Variants in AKAP10 observed in about 807,000 individuals in gnomAD.
AKAP10 encodes the protein A-kinase anchoring protein 10.
Under a neutral mutation model 80.8 loss-of-function variants are expected in AKAP10, and 24 were observed. The ratio of observed to expected loss-of-function variants is 0.30; its 90% CI spans 0.22 to 0.42. The LOEUF (loss-of-function observed/expected upper bound fraction) is 0.42, where lower values mean the gene tolerates loss of function less well. AKAP10 is among the 10% of genes least tolerant of loss of function. The pLI, the probability that AKAP10 is intolerant of heterozygous loss-of-function variation, is 1.00. For missense variants in AKAP10, 661 were observed against 794.9 expected, an observed-to-expected ratio of 0.83 and a Z score of 2.03; for synonymous variants, 291 against 277.7, an observed-to-expected ratio of 1.05 and a Z score of -0.48.
chr17:19,909,130 A>G, intron 14 of AKAP10, 51 bp downstream of exon 14: 1 of 1,489,818 alleles, frequency 6.7e-7, no homozygotes, highest in Middle Eastern at 1.8e-4. Context: ...TTTTATTTTT[A>G]CACCTGGAAA....
chr17:19,915,284 A>G (rs1399572763), intron 12 of AKAP10, among the ~76,000 whole-genome samples: 1 of 152,246 alleles, frequency 6.6e-6, no homozygotes, highest in Non-Finnish European at 1.5e-5. Flanking sequence ...AGAAATGTCA[A>G]GGAAAGAGAA....
At chr17:19,951,239 A>T in intron 4 of AKAP10, among the ~76,000 whole-genome samples, 1 of 121,226 alleles carries the variant, frequency 8.2e-6, no homozygotes, top group Non-Finnish European at 1.9e-5. Context: ...GTGGGGGGTC[A>T]GCCCCCGCCC....
chr17:19,913,490 T>C (rs1207538527), intron 12 of AKAP10, among the ~76,000 whole-genome samples: 2 of 152,150 alleles, frequency 1.3e-5, no homozygotes, highest in Non-Finnish European at 2.9e-5. Context: ...GGCTTTACCA[T>C]GTTGGCCAGG....
rs531846840 is a variant in AKAP10, at chr17:19,920,509, C to T, written c.1752-391G>A. Among the ~76,000 whole-genome samples, 3 of 152,268 alleles carry T rather than the reference C, an allele frequency of 2.0e-5. No individual in the cohort carries two copies. The East Asian group carries it at 5.8e-4, about 29-fold the overall frequency. On this transcript the variant is annotated intron_variant, in intron 11 of 14. Transcript: ENST00000225737. ...GCCATAGTTGTGTGTATACATACATCTGTTTATACTAAAACTATAGTACTA... is the reference window on the plus strand; with the variant it reads ...GCCATAGTTGTGTGTATACATACATTTGTTTATACTAAAACTATAGTACTA...
chr17:19,920,180 C>A, intron 11 of AKAP10, 62 bp from the exon 12 acceptor site: 1 of 1,288,794 alleles, frequency 7.8e-7, no homozygotes, highest in Non-Finnish European at 1.1e-6. Flanking sequence ...TAGGAGAAAA[C>A]AATCAATTTA....
chr17:19,940,543 A>G (rs2043041091), intron 7 of AKAP10, among the ~76,000 whole-genome samples: 1 of 152,186 alleles, frequency 6.6e-6, no homozygotes, highest in Non-Finnish European at 1.5e-5. Flanking sequence ...AAAATTTACT[A>G]CTTTTTTTCT....
rs77450322 is a variant in AKAP10, at chr17:19,917,685, A to G, written c.1834+2351T>C. On this transcript the variant is annotated intron_variant, in intron 12 of 14. Transcript: ENST00000225737. ...AATACAAGCTCACGCCTGTAAGCCC[A>G]GTACTTTGGGAGGCCAAGGTGGGCG... Among the ~76,000 whole-genome samples, 394 of 152,322 alleles carry G rather than the reference A, an allele frequency of 2.6e-3. 12 individuals are homozygous for G. The East Asian group carries it at 0.072, about 28-fold the overall frequency.
At chr17:19,971,526 T>C (rs1329708524) in intron 1 of AKAP10, among the ~76,000 whole-genome samples, 2 of 151,508 alleles carry the variant, frequency 1.3e-5, no homozygotes, top group African/African-American at 2.4e-5. Flanking sequence ...AAAAAAAAAT[T>C]AATTACACAA....
chr17:19,944,657 C>G (rs568422418), intron 5 of AKAP10, among the ~76,000 whole-genome samples: 1 of 151,134 alleles, frequency 6.6e-6, no homozygotes, highest in African/African-American at 2.5e-5. Context: ...GTCTCAAAAA[C>G]AAACAAACAA....
In AKAP10 at chr17:19,904,445, T is replaced by G. The variant is rs1376808064; in HGVS notation, c.*1782A>C. 1.3e-5 allele frequency: 2 copies of G among 152,230 alleles called. No homozygotes were observed. The highest frequency in any genetic ancestry group is 4.8e-5 in the African/African-American group (2 of 41,480). 9.4% of individuals were successfully genotyped at this position (152,230 alleles called of 1,614,324 possible). A position where few individuals can be genotyped will look rare whatever the true frequency, so the allele number is the denominator to read the frequency against. ...ACAGCCTAGAGTCTTGTAGAAATTG[T>G]TATTCCAAAACATGCAGAGGCAGCA... On this transcript the variant is annotated 3_prime_UTR_variant, in exon 15 of 15. Transcript: ENST00000225737.
chr17:19,959,134 T>C (rs1035062094), intron 3 of AKAP10, among the ~76,000 whole-genome samples: 6 of 152,104 alleles, frequency 3.9e-5, no homozygotes, highest in African/African-American at 1.2e-4. Context: ...ATTGCAGGCG[T>C]GAGCCACTGC....
At chr17:19,942,214 G>A (rs991364472) in intron 5 of AKAP10, among the ~76,000 whole-genome samples, 2 of 152,016 alleles carry the variant, frequency 1.3e-5, no homozygotes, top group Non-Finnish European at 2.9e-5. Context: ...CAGTTAAAAG[G>A]TTACTATCAT....
chr17:19,959,641 G>A (rs942441719), intron 3 of AKAP10, among the ~76,000 whole-genome samples: 2 of 151,996 alleles, frequency 1.3e-5, no homozygotes, highest in African/African-American at 2.4e-5. Flanking sequence ...ATAACCACAA[G>A]CTAATTGTTA....
At chr17:19,974,672 T>C (rs1733010336) in intron 1 of AKAP10, among the ~76,000 whole-genome samples, 1 of 151,870 alleles carries the variant, frequency 6.6e-6, no homozygotes, top group African/African-American at 2.4e-5. Flanking sequence ...CTTCTACTCT[T>C]ACCACATCCA....
Position 19,931,902 on chromosome 17 carries a change from TCTC to T in AKAP10, c.1541_1543del (p.Gly514del), listed in dbSNP as rs2042938354. 1 of 1,613,924 alleles carries T rather than the reference TCTC, an allele frequency of 6.2e-7. No homozygotes were observed. The highest frequency in any genetic ancestry group is 1.7e-5 in the Admixed American group (1 of 59,968). On this transcript the variant is annotated inframe_deletion, in exon 10 of 15. Coordinates refer to ENST00000225737, the MANE Select transcript of AKAP10 (RefSeq NM_007202.4). Reference sequence around the variant, plus strand: ...CGACACGTTCCCGCCCAGAAATTCATCTCCTCGAACCGAATGGATGAGATCATT... The same window carrying T: ...CGACACGTTCCCGCCCAGAAATTCATCTCGAACCGAATGGATGAGATCATT...
At chr17:19,962,291 C>A (rs957376505) in intron 3 of AKAP10, among the ~76,000 whole-genome samples, 1 of 103,034 alleles carries the variant, frequency 9.7e-6, no homozygotes, top group Non-Finnish European at 2.2e-5. Context: ...TACATACATA[C>A]ATATACACAC....
intron 1 of AKAP10, among the ~76,000 whole-genome samples, chr17:19,975,484 A>C (rs1417472402): frequency 6.6e-6 from 1 of 152,082 alleles, no homozygotes; most frequent in East Asian, 1.9e-4. Context: ...TGGCCTCTCT[A>C]GTTACCTCCT....
At chr17:19,946,996 C>A (rs1239740631) in intron 5 of AKAP10, 2 of 165,852 alleles carry the variant, frequency 1.2e-5, no homozygotes, top group Non-Finnish European at 2.6e-5. Flanking sequence ...TGGGCTGCAG[C>A]CCTGATGCCT....
rs575084483 is a variant in AKAP10 at position 19,916,800 on chromosome 17, G to T, written c.1834+3236C>A. ...AAAATACAAAAAATTAGCCGGGCGT[G>T]GTGGCGAGCGCCTGTGGTCCCTGCT... is the stretch of plus-strand genomic sequence containing the variant. On this transcript the variant is annotated intron_variant, in intron 12 of 14. Transcript: ENST00000225737. Among the ~76,000 whole-genome samples the T allele has an allele frequency of 3.3e-5, 5 of 151,856 alleles. No homozygotes were observed. In the South Asian group the frequency reaches 1.0e-3, roughly 32 times the overall value.
Sources: gnomAD v4.1 joint callset for allele counts (sites outside exome capture counted in the v4.1 genomes callset) on GRCh38, gnomAD v4.1.1 for gene constraint, MANE v1.5 for transcripts, NCBI Gene and HGNC (gene_info 2026-07-23, HGNC 2026-07-21) for gene names.